The following VRK2 variants were observed in gnomAD, a reference collection of about 807,000 sequenced individuals.
VRK2 encodes the protein serine/threonine-protein kinase VRK2.
In VRK2, 60 loss-of-function variants were observed where a neutral mutation model predicts 57.6. The observed-to-expected ratio is 1.04, with a 90% CI of 0.85 to 1.29. The LOEUF is 1.29. Ranked by LOEUF, VRK2 falls within the 50% of genes most tolerant of loss-of-function variation. The pLI is 0.00. For synonymous variants in VRK2, 231 were observed against 199.2 expected (o/e 1.16, Z -1.35); for missense variants, 705 against 588.1 (o/e 1.20, Z -2.06).
Position 58,088,465 on chromosome 2 carries a change from G to C in VRK2, c.450+19G>C. The C allele has an allele frequency of 1.3e-6, 2 of 1,524,080 alleles. No individual in the cohort carries two copies. Among genetic ancestry groups the C allele is most frequent in the Non-Finnish European group, 1.8e-6 (2 of 1,102,530 alleles). 94.4% of individuals were successfully genotyped at this position (1,524,080 alleles called of 1,614,324 possible). The stretch of plus-strand genomic sequence containing the variant: ...CCGAATGGTAAGAATTACTTATTTC[G>C]CATGCTCCATTTCCAAATTGTTTAC... On this transcript the variant is annotated intron_variant, in intron 6 of 12. Transcript: ENST00000340157.
intron 1 of VRK2, among the ~76,000 whole-genome samples, chr2:57,983,503 A>G (rs1558525553): frequency 6.6e-6 from 1 of 152,166 alleles, no homozygotes. Context: ...TCATTATGCT[A>G]CCACAACCCT....
chr2:58,089,812 C>G (rs1024132672), intron 7 of VRK2, 89 bp downstream of exon 7: 8 of 833,092 alleles, frequency 9.6e-6, no homozygotes, highest in Admixed American at 2.4e-5. Context: ...GAAGAGTTTA[C>G]AAATGAGGGC....
At chr2:57,936,214 G>C (rs575123881) in intron 1 of VRK2, among the ~76,000 whole-genome samples, 11 of 152,144 alleles carry the variant, frequency 7.2e-5, no homozygotes, top group Non-Finnish European at 1.3e-4. Context: ...AACTTTAACT[G>C]TCCAGCTTAC....
At chr2:58,147,840 G>T (rs1682398637) in intron 12 of VRK2, among the ~76,000 whole-genome samples, 1 of 144,164 alleles carries the variant, frequency 6.9e-6, no homozygotes. Flanking sequence ...GTTCATGCAT[G>T]TATTAGTAAT....
chr2:57,951,149 T>C (rs1263175005), intron 1 of VRK2, among the ~76,000 whole-genome samples: 2 of 152,050 alleles, frequency 1.3e-5, no homozygotes, highest in Non-Finnish European at 1.5e-5. Context: ...TCAAAATAAA[T>C]ATCAATATTA....
At chr2:58,113,465 C>T (rs1675899224) in intron 7 of VRK2, among the ~76,000 whole-genome samples, 1 of 152,144 alleles carries the variant, frequency 6.6e-6, no homozygotes. Context: ...GACCACCAAA[C>T]AGGCTTTGTG....
chr2:58,139,939 T>C, intron 11 of VRK2, 107 bp downstream of exon 11: 2 of 1,193,112 alleles, frequency 1.7e-6, no homozygotes, highest in Non-Finnish European at 2.3e-6. Context: ...TCTTCTTCCT[T>C]ATATTTAACT....
At chr2:58,138,595 G>T (rs1680880451) in intron 10 of VRK2, among the ~76,000 whole-genome samples, 1 of 152,172 alleles carries the variant, frequency 6.6e-6, no homozygotes, top group African/African-American at 2.4e-5. Flanking sequence ...GTGAAACCCA[G>T]TGCCTCTGCA....
intron 2 of VRK2, among the ~76,000 whole-genome samples, chr2:58,067,649 G>A (rs1162552450): frequency 1.3e-5 from 2 of 151,800 alleles, no homozygotes; most frequent in African/African-American, 2.4e-5. Flanking sequence ...ATTAAGTCCT[G>A]CTTAGGCTAT....
At chr2:57,968,582 G>A (rs1671992256) in intron 1 of VRK2, among the ~76,000 whole-genome samples, 1 of 152,012 alleles carries the variant, frequency 6.6e-6, no homozygotes, top group Non-Finnish European at 1.5e-5. Flanking sequence ...ACCCAAGCAA[G>A]CTGTTGTTAT....
chr2:58,064,403 A>C (rs974530775), intron 2 of VRK2, among the ~76,000 whole-genome samples: 2 of 152,120 alleles, frequency 1.3e-5, no homozygotes, highest in Non-Finnish European at 2.9e-5. Context: ...AGCTATCCAC[A>C]TCAAGACCCT....
intron 2 of VRK2, among the ~76,000 whole-genome samples, chr2:58,027,597 T>C (rs976335022): frequency 2.0e-5 from 3 of 152,154 alleles, no homozygotes; most frequent in Non-Finnish European, 4.4e-5. Flanking sequence ...CTGCAGAGTT[T>C]AAAAAGTCAA....
chr2:57,940,253 C>G (rs553779343), intron 1 of VRK2, among the ~76,000 whole-genome samples: 6 of 152,144 alleles, frequency 3.9e-5, no homozygotes, highest in African/African-American at 1.4e-4. Context: ...GCCTGAGACC[C>G]AGGGGAATAG....
chr2:57,922,425 CA>C (rs1421177026), intron 1 of VRK2, among the ~76,000 whole-genome samples: 1 of 145,840 alleles, frequency 6.9e-6, no homozygotes, highest in African/African-American at 2.5e-5. Flanking sequence ...ATCACGCTAA[CA>C]TAACCATCAC....
At chr2:57,943,348 T>C (rs191068861) in intron 1 of VRK2, among the ~76,000 whole-genome samples, 42 of 152,356 alleles carry the variant, frequency 2.8e-4, no homozygotes, top group African/African-American at 9.1e-4. Flanking sequence ...TTTGTTGATT[T>C]TTATTCCAGG....
In VRK2 at chr2:57,981,294, GA is replaced by G. The variant is rs1342062426; in HGVS notation, c.-438-44369del. On this transcript the variant is annotated intron_variant, in intron 1 of 15. Transcript: ENST00000417641. ...AGGATTCCATTTCTCTTTCACTTAT[GA>G]AGCTTAGTTTGGCCAGACATGTAAT... Among the ~76,000 whole-genome samples, 3 of 152,126 alleles carry G rather than the reference GA, an allele frequency of 2.0e-5. No individual in the cohort carries two copies. The East Asian group carries it at 5.8e-4, about 29-fold the overall frequency.
chr2:57,916,382 G>C (rs1025798111), intron 1 of VRK2, among the ~76,000 whole-genome samples: 1 of 144,410 alleles, frequency 6.9e-6, no homozygotes, highest in Non-Finnish European at 1.5e-5. Flanking sequence ...CTCCAGCCTG[G>C]CAACAAGAGC....
At chr2:58,130,470 T>C (rs1208946643) in intron 8 of VRK2, among the ~76,000 whole-genome samples, 1 of 152,182 alleles carries the variant, frequency 6.6e-6, no homozygotes, top group African/African-American at 2.4e-5. Context: ...ATGGCACCCA[T>C]GGGACTGTAG....
chr2:58,105,667 T>C (rs1335043803), intron 7 of VRK2, among the ~76,000 whole-genome samples: 3 of 151,532 alleles, frequency 2.0e-5, no homozygotes, highest in African/African-American at 7.3e-5. Flanking sequence ...TGTGGGAAAA[T>C]GGCATTTCTG....
Sources: gnomAD v4.1 joint callset for allele counts (sites outside exome capture counted in the v4.1 genomes callset) on GRCh38, gnomAD v4.1.1 for gene constraint, MANE v1.5 for transcripts, NCBI Gene and HGNC (gene_info 2026-07-23, HGNC 2026-07-21) for gene names.